The following MARCHF1 variants were observed in gnomAD, a reference collection of about 807,000 sequenced individuals.
MARCHF1 encodes E3 ubiquitin-protein ligase MARCHF1.
MARCHF1 carries 40 observed loss-of-function variants against 54.2 expected under a neutral mutation model. The observed-to-expected ratio is 0.74, with a 90% confidence interval of 0.57 to 0.96. The LOEUF is 0.96. MARCHF1 is among the 40% of genes least tolerant of loss of function. The probability of loss-of-function intolerance (pLI) is 0.00; values close to 1 mark genes in which losing one functional copy is unlikely to be tolerated. For missense variants in MARCHF1, 586 were observed against 656.5 expected (o/e 0.89, Z 1.17); for synonymous variants, 236 against 236.3 (o/e 1.00, Z 0.01).
intron 4 of MARCHF1, among the ~76,000 whole-genome samples, chr4:163,769,079 T>C (rs1023596085): frequency 3.9e-5 from 6 of 152,196 alleles, no homozygotes; most frequent in Admixed American, 6.5e-5. Flanking sequence ...TCTGCTGTGC[T>C]TTTTAAAAAG....
At chr4:163,920,725 A>G (rs10008162) in intron 3 of MARCHF1, among the ~76,000 whole-genome samples, 34,312 of 152,064 alleles carry the variant, frequency 0.23, 4,861 homozygotes, top group East Asian at 0.4. Flanking sequence ...GCTGGGAAAC[A>G]TTTTTGCTAT....
intron 3 of MARCHF1, among the ~76,000 whole-genome samples, chr4:163,885,344 C>T (rs955312577): frequency 2.0e-5 from 3 of 152,070 alleles, no homozygotes; most frequent in Admixed American, 6.6e-5. Context: ...AACCCTGTAT[C>T]ATTTGTTATG....
At chr4:164,058,618 A>T (rs977551107) in intron 2 of MARCHF1, among the ~76,000 whole-genome samples, 1 of 152,024 alleles carries the variant, frequency 6.6e-6, no homozygotes, top group Non-Finnish European at 1.5e-5. Context: ...GGTGTGGATC[A>T]CACATGACCC....
At chr4:163,679,423 C>T (rs556230987) in intron 5 of MARCHF1, among the ~76,000 whole-genome samples, 1 of 152,224 alleles carries the variant, frequency 6.6e-6, no homozygotes, top group Admixed American at 6.5e-5. Context: ...ACATCTTCAT[C>T]CCGGTAATAA....
intron 5 of MARCHF1, among the ~76,000 whole-genome samples, chr4:163,615,921 A>G (rs1416021168): frequency 6.6e-6 from 1 of 152,128 alleles, no homozygotes; most frequent in African/African-American, 2.4e-5. Flanking sequence ...GAAATTATCC[A>G]TGTATTTATA....
At chr4:164,058,861 A>G (rs753858366) in intron 2 of MARCHF1, among the ~76,000 whole-genome samples, 4 of 152,230 alleles carry the variant, frequency 2.6e-5, no homozygotes, top group Admixed American at 6.5e-5. Context: ...ATGAGTCACA[A>G]TGATGCCTGT....
intron 1 of MARCHF1, among the ~76,000 whole-genome samples, chr4:164,360,741 T>G (rs1730700317): frequency 6.6e-6 from 1 of 152,038 alleles, no homozygotes; most frequent in Admixed American, 6.6e-5. Context: ...TCTGCTACGG[T>G]CTCCAAAACT....
chr4:163,548,709 T>G (rs550032947), intron 8 of MARCHF1, among the ~76,000 whole-genome samples: 24 of 152,354 alleles, frequency 1.6e-4, no homozygotes, highest in African/African-American at 5.3e-4. Context: ...CTGCATGCAA[T>G]ATTCAGTAAA....
At chr4:163,684,972 C>G (rs1180149631) in intron 5 of MARCHF1, among the ~76,000 whole-genome samples, 1 of 152,182 alleles carries the variant, frequency 6.6e-6, no homozygotes, top group African/African-American at 2.4e-5. Context: ...CTAAAGTACA[C>G]CTCATTCCTA....
intron 5 of MARCHF1, among the ~76,000 whole-genome samples, chr4:163,677,296 A>G (rs183511655): frequency 4.6e-4 from 68 of 149,284 alleles, no homozygotes; most frequent in Admixed American, 1.8e-3. Flanking sequence ...AATAAAATCC[A>G]GAAGGTTCTG....
At chr4:164,159,373 A>C (rs1313434525) in intron 1 of MARCHF1, among the ~76,000 whole-genome samples, 4 of 152,152 alleles carry the variant, frequency 2.6e-5, no homozygotes, top group African/African-American at 9.7e-5. Context: ...TCTTTACCAC[A>C]AAACGTCCAT....
chr4:163,894,719 T>TAC (rs374831812), intron 3 of MARCHF1, among the ~76,000 whole-genome samples: 2 of 12,250 alleles, frequency 1.6e-4, no homozygotes, highest in South Asian at 5.5e-3. Context: ...TGCATATATA[T>TAC]ATGCATGTGA....
At chr4:163,556,298 A>G (rs1414983345) in intron 8 of MARCHF1, among the ~76,000 whole-genome samples, 1 of 152,242 alleles carries the variant, frequency 6.6e-6, no homozygotes, top group East Asian at 1.9e-4. Flanking sequence ...TTTTGATTTC[A>G]TAAGTGCTTC....
chr4:163,534,675 A>G (rs1738470634), intron 9 of MARCHF1, among the ~76,000 whole-genome samples: 1 of 152,112 alleles, frequency 6.6e-6, no homozygotes, highest in Admixed American at 6.6e-5. Context: ...AAAATGGACT[A>G]TACCAGGCAT....
At chr4:163,542,902 G>A (rs1213055994) in intron 9 of MARCHF1, among the ~76,000 whole-genome samples, 1 of 152,204 alleles carries the variant, frequency 6.6e-6, no homozygotes, top group Admixed American at 6.5e-5. Context: ...TGCAAAGGCT[G>A]AGTTGGGATG....
intron 1 of MARCHF1, among the ~76,000 whole-genome samples, chr4:164,270,437 C>T (rs1321764073): frequency 2.6e-5 from 4 of 152,112 alleles, no homozygotes; most frequent in African/African-American, 4.8e-5. Context: ...ACCTTTTTAT[C>T]GTCTGTCTCC....
At chr4:163,632,535 C>T (rs897754782) in intron 5 of MARCHF1, among the ~76,000 whole-genome samples, 48 of 152,316 alleles carry the variant, frequency 3.2e-4, no homozygotes, top group African/African-American at 1.1e-3. Context: ...TGCGCTTTTC[C>T]GACGGGCTTA....
chr4:164,241,266 A>C (rs1449326020), intron 1 of MARCHF1, among the ~76,000 whole-genome samples: 1 of 152,030 alleles, frequency 6.6e-6, no homozygotes, highest in African/African-American at 2.4e-5. Context: ...TATTTTCAAA[A>C]ACCCTAGCCT....
chr4:163,993,374 T>C (rs973247240), intron 2 of MARCHF1, among the ~76,000 whole-genome samples: 2 of 152,168 alleles, frequency 1.3e-5, no homozygotes, highest in African/African-American at 2.4e-5. Flanking sequence ...ATCTTTTTAA[T>C]GTAAGTATTC....
Sources: gnomAD v4.1 joint callset for allele counts (sites outside exome capture counted in the v4.1 genomes callset) on GRCh38, gnomAD v4.1.1 for gene constraint, MANE v1.5 for transcripts, NCBI Gene and HGNC (gene_info 2026-07-23, HGNC 2026-07-21) for gene names.